SATB2: variants seen among roughly 807,000 people sequenced by gnomAD.
The protein encoded by SATB2 is DNA-binding protein SATB2.
SATB2 carries 1 observed loss-of-function variant against 73.4 expected under a neutral mutation model. The ratio of observed to expected loss-of-function variants is 0.01; its 90% CI spans 0.00 to 0.06. SATB2 has a LOEUF of 0.06. Ranked by LOEUF, SATB2 falls within the 10% of genes least tolerant of loss-of-function variation. SATB2 has a pLI of 1.00. For synonymous variants in SATB2, 397 were observed against 367.0 expected, an observed-to-expected ratio of 1.08 and a Z score of -0.93; for missense variants, 459 against 945.8, an observed-to-expected ratio of 0.49 and a Z score of 6.75.
intron 9 of SATB2, among the ~76,000 whole-genome samples, chr2:199,318,805 T>G (rs1164974810): frequency 6.6e-6 from 1 of 152,120 alleles, no homozygotes; most frequent in Admixed American, 6.5e-5. Flanking sequence ...TTATTTTTCT[T>G]TTATATAAAA....
Position 199,272,609 on chromosome 2 carries a change from G to T in SATB2, c.1804C>A (p.Pro602Thr), listed in dbSNP as rs1401231161. 1.2e-6 allele frequency: 2 copies of T among 1,614,018 alleles called. No homozygotes were observed. Among genetic ancestry groups the T allele is most frequent in the Non-Finnish European group, 8.5e-7 (1 of 1,180,026 alleles). ...CTGTCTTCAGTCGGAGGAGGTGGGG[G>T]AGGCGCTTCTTCTCTGGGAGGGGAA... ...ESSPPREEAPPPPPPTEDSCA... is the reference protein window; with the variant it reads ...ESSPPREEAPTPPPPTEDSCA... The change falls in exon 11 of 11, where the codon CCC becomes ACC. Residue 602 changes from proline to threonine, a missense_variant. Pro to Thr is a conservative substitution (Grantham distance 38). Transcript: ENST00000417098. This position sits in a 1 kb window ranked among gnomAD's most constrained non-coding sequence, Gnocchi z 6.7.
At chr2:199,329,126 T>A (rs142044663) in intron 7 of SATB2, 1 of 592,658 alleles carries the variant, frequency 1.7e-6, no homozygotes, top group Non-Finnish European at 3.1e-6. Flanking sequence ...TCTGACACTT[T>A]ATCATCACTG....
intron 2 of SATB2, among the ~76,000 whole-genome samples, chr2:199,447,018 G>A (rs926322717): frequency 5.3e-5 from 8 of 152,126 alleles, no homozygotes; most frequent in Non-Finnish European, 1.5e-5. Flanking sequence ...TGCAGTTTTA[G>A]TATCCCCACC....
chr2:199,447,488 G>A (rs1691999124), intron 2 of SATB2, among the ~76,000 whole-genome samples: 2 of 152,078 alleles, frequency 1.3e-5, no homozygotes, highest in African/African-American at 2.4e-5. Context: ...AGAACAGCAG[G>A]CCTAGGAACC....
chr2:199,458,827 C>G (rs988146974), upstream of SATB2: 3 of 329,674 alleles, frequency 9.1e-6, no homozygotes, highest in Non-Finnish European at 1.8e-5. Context: ...CGAGCTCCCC[C>G]TCCGCGCCGA....
intron 3 of SATB2, among the ~76,000 whole-genome samples, chr2:199,401,864 A>G (rs1180810490): frequency 6.6e-6 from 1 of 152,148 alleles, no homozygotes; most frequent in African/African-American, 2.4e-5. Context: ...AATTAAACAG[A>G]AAACCCAGGA....
At chr2:199,334,859 C>T (rs1460368397) in intron 7 of SATB2, among the ~76,000 whole-genome samples, 2 of 152,074 alleles carry the variant, frequency 1.3e-5, no homozygotes, top group Non-Finnish European at 2.9e-5. Flanking sequence ...CCAACAAAAT[C>T]GTTTCTCTCC....
intron 2 of SATB2, among the ~76,000 whole-genome samples, chr2:199,445,144 A>G (rs1026409800): frequency 6.6e-6 from 1 of 152,234 alleles, no homozygotes; most frequent in Non-Finnish European, 1.5e-5. Context: ...TCAGTCCTAC[A>G]AATATCAAAC....
chr2:199,451,585 T>C (rs1299451425), intron 2 of SATB2, among the ~76,000 whole-genome samples: 4 of 152,078 alleles, frequency 2.6e-5, no homozygotes, highest in African/African-American at 9.7e-5. Flanking sequence ...AACAATATAT[T>C]TCTAAGTATT....
At chr2:199,414,447 C>T in intron 3 of SATB2, among the ~76,000 whole-genome samples, 1 of 152,196 alleles carries the variant, frequency 6.6e-6, no homozygotes, top group East Asian at 1.9e-4. Flanking sequence ...ATGCCCAATA[C>T]ACAGCAGATG....
intron 6 of SATB2, among the ~76,000 whole-genome samples, chr2:199,357,081 G>A (rs756538609): frequency 7.2e-5 from 11 of 152,186 alleles, no homozygotes; most frequent in Non-Finnish European, 1.3e-4. Context: ...TTAGGACCCT[G>A]CAGTCTGTAT....
chr2:199,383,838 T>C (rs1689850120), intron 3 of SATB2, among the ~76,000 whole-genome samples: 1 of 152,182 alleles, frequency 6.6e-6, no homozygotes, highest in Non-Finnish European at 1.5e-5. Flanking sequence ...AATATATCTG[T>C]ATGATTTCAT....
At chr2:199,441,088 C>G (rs974278007) in intron 2 of SATB2, among the ~76,000 whole-genome samples, 11 of 152,028 alleles carry the variant, frequency 7.2e-5, no homozygotes, top group African/African-American at 2.7e-4. Context: ...CTCAGGTGAT[C>G]CGCCTGCCTC....
chr2:199,353,242 C>A (rs951121193), intron 6 of SATB2, among the ~76,000 whole-genome samples: 51 of 148,610 alleles, frequency 3.4e-4, no homozygotes, highest in Non-Finnish European at 5.8e-4. Context: ...GCAACCTCCA[C>A]CTCCCAGGTT....
intron 7 of SATB2, among the ~76,000 whole-genome samples, chr2:199,338,303 G>T (rs1333764092): frequency 2.0e-5 from 3 of 151,976 alleles, no homozygotes; most frequent in Admixed American, 6.6e-5. Context: ...GGGAGGCAGA[G>T]GTTGCAGTGA....
Position 199,272,211 on chromosome 2 carries a change from T to C in SATB2, c.2202A>G (p.Ter734=). 1 of 1,613,772 alleles carries C rather than the reference T, an allele frequency of 6.2e-7. No homozygotes were observed. Among genetic ancestry groups the C allele is most frequent in the Non-Finnish European group, 8.5e-7 (1 of 1,179,780 alleles). The change falls in exon 11 of 11, where the codon TAA becomes TAG. Residue 734 remains the stop codon, a stop_retained_variant. Coordinates refer to ENST00000417098, the MANE Select transcript of SATB2 (RefSeq NM_001172509.2). The surrounding 1 kb of genome is among the most constrained non-coding windows in gnomAD (Gnocchi z 6.7). ...KAAPAEIDQR[*] The stretch of plus-strand genomic sequence containing the variant: ...TTGCTTTGCCTAGTAGAAGTTCACA[T>C]TATCTCTGGTCAATTTCGGCAGGTG...
chr2:199,326,110 C>G (rs1267961747), intron 8 of SATB2: 1 of 152,132 alleles, frequency 6.6e-6, no homozygotes, highest in African/African-American at 2.4e-5. Context: ...GAGTACTCCT[C>G]TAATACTTGT....
At chr2:199,337,276 C>T (rs1422644383) in intron 7 of SATB2, among the ~76,000 whole-genome samples, 6 of 152,132 alleles carry the variant, frequency 3.9e-5, no homozygotes, top group Non-Finnish European at 7.4e-5. Flanking sequence ...CTAGGTAACA[C>T]TAAATTAAAA....
intron 3 of SATB2, among the ~76,000 whole-genome samples, chr2:199,413,793 G>C (rs190990919): frequency 3.9e-4 from 59 of 152,154 alleles, no homozygotes; most frequent in Non-Finnish European, 7.8e-4. Context: ...TGGAGATCCA[G>C]CAGCCATTTT....
Sources: gnomAD v4.1 joint callset for allele counts (sites outside exome capture counted in the v4.1 genomes callset) on GRCh38, gnomAD v4.1.1 for gene constraint, Gnocchi (gnomAD v3.1) non-coding constraint, MANE v1.5 for transcripts, NCBI Gene and HGNC (gene_info 2026-07-23, HGNC 2026-07-21) for gene names.